KIAA1549: variants seen among roughly 807,000 people sequenced by gnomAD.
KIAA1549 encodes the protein UPF0606 protein KIAA1549.
Under a neutral mutation model 156.4 loss-of-function variants are expected in KIAA1549, and 70 were observed. The ratio of observed to expected loss-of-function variants is 0.45; its 90% CI spans 0.37 to 0.55. The LOEUF is 0.55. Ranked by LOEUF, KIAA1549 falls within the 20% of genes least tolerant of loss-of-function variation. The pLI, the probability that KIAA1549 is intolerant of heterozygous loss-of-function variation, is 0.00. For missense variants in KIAA1549, 2,428 were observed against 2,540.9 expected, an observed-to-expected ratio of 0.96 and a Z score of 0.96; for synonymous variants, 1,103 against 1,066.4, an observed-to-expected ratio of 1.03 and a Z score of -0.67.
chr7:138,958,542 C>A (rs1218512348), intron 1 of KIAA1549, among the ~76,000 whole-genome samples: 1 of 152,142 alleles, frequency 6.6e-6, no homozygotes, highest in Non-Finnish European at 1.5e-5. Flanking sequence ...TATAACTTCC[C>A]AGCTGTAAAG....
chr7:138,917,573 G>A lies in KIAA1549; in HGVS notation c.2053C>T (p.Leu685Phe), dbSNP rs1369614635. 3 of 1,613,828 alleles carry A rather than the reference G, an allele frequency of 1.9e-6. No individual in the cohort carries two copies. The highest frequency in any genetic ancestry group is 2.5e-6 in the Non-Finnish European group (3 of 1,179,896). The change falls in exon 2 of 20, where the codon CTT (leucine) becomes TTT (phenylalanine). Residue 685 changes from leucine (L) to phenylalanine (F), a missense_variant. Leu to Phe is a conservative substitution (Grantham distance 22). Around this residue, in one of 5 missense-constraint regions of KIAA1549, gnomAD observed 762 missense variants for 901.6 expected, o/e 0.85. Coordinates refer to ENST00000422774, the MANE Select transcript of KIAA1549 (RefSeq NM_001164665.2). ...AACTCAAGATTTGTGGAACTGGGAA[G>A]AGACAGCTGAGATGACTGCAGATCA... ...SSDLQSSQLS[L>F]PSSTNLEFSQ...
chr7:138,848,314 C>T (rs1230505990), intron 17 of KIAA1549, among the ~76,000 whole-genome samples: 1 of 152,154 alleles, frequency 6.6e-6, no homozygotes, highest in African/African-American at 2.4e-5. Context: ...GTAATATTTG[C>T]CAAGATACCT....
rs76161539 is a variant in KIAA1549, at chr7:138,900,942, G to A, written c.3670-1810C>T. On this transcript the variant is annotated intron_variant, in intron 8 of 19. Transcript: ENST00000422774. ...AACCCAGCCTCAGGTATTCCTTTACGGCAACATCAATGGACTAAGATGTCC... is the reference window on the plus strand; with the variant it reads ...AACCCAGCCTCAGGTATTCCTTTACAGCAACATCAATGGACTAAGATGTCC... 6.9e-3 allele frequency among the ~76,000 whole-genome samples: 1,050 copies of A among 152,218 alleles called. 21 individuals carry two copies. The highest frequency in any genetic ancestry group is 0.024 in the African/African-American group (998 of 41,530).
In KIAA1549 at chr7:138,833,793, C is replaced by G. The variant is rs972156015; in HGVS notation, c.*4113G>C. 2.1e-5 allele frequency: 5 copies of G among 233,230 alleles called. No individual in the cohort carries two copies. In the South Asian group the frequency reaches 9.0e-4, roughly 42 times the overall value. 14.4% of individuals were successfully genotyped at this position (233,230 alleles called of 1,614,324 possible). ...GTGTCATTCTCATCATTTTCGTCCT[C>G]TTCCCTTGCCTCCCCCACACTGGAG... On this transcript the variant is annotated 3_prime_UTR_variant, in exon 20 of 20. Coordinates refer to ENST00000422774, the MANE Select transcript of KIAA1549 (RefSeq NM_001164665.2).
chr7:138,916,489 G>A (rs1052616201), intron 2 of KIAA1549, among the ~76,000 whole-genome samples: 2 of 152,188 alleles, frequency 1.3e-5, no homozygotes, highest in Admixed American at 6.5e-5. Flanking sequence ...AGGGACTAAC[G>A]CATTTACATC....
intron 18 of KIAA1549, among the ~76,000 whole-genome samples, chr7:138,842,495 T>A (rs953091145): frequency 2.0e-5 from 3 of 152,184 alleles, no homozygotes; most frequent in Non-Finnish European, 4.4e-5. Context: ...ACGACCAGCC[T>A]AGCCAACATG....
intron 15 of KIAA1549, among the ~76,000 whole-genome samples, chr7:138,866,765 A>G (rs538334938): frequency 2.0e-5 from 3 of 152,336 alleles, no homozygotes; most frequent in East Asian, 3.9e-4. Context: ...ACTTCAAGCA[A>G]ATCTGTCTGG....
intron 1 of KIAA1549, among the ~76,000 whole-genome samples, chr7:138,932,264 G>A (rs1812893918): frequency 6.6e-6 from 1 of 152,208 alleles, no homozygotes; most frequent in Non-Finnish European, 1.5e-5. Flanking sequence ...TTTGCAGAGT[G>A]GCACATTCTG....
chr7:138,871,357 G>A lies in KIAA1549; in HGVS notation c.4351C>T (p.Pro1451Ser), dbSNP rs1810932984. Residue 1451 changes from proline (P) to serine (S), a missense_variant, in exon 13 of 20, where the codon CCA (proline) becomes TCA (serine). Around this residue, in one of 5 missense-constraint regions of KIAA1549, gnomAD observed 404 missense variants for 417.0 expected, o/e 0.97. Coordinates refer to ENST00000422774, the MANE Select transcript of KIAA1549 (RefSeq NM_001164665.2). ...TGCTCATTTCCCGAACTGGGCAGTG[G>A]TGGCCCTGGAACAGAAGGAAAAGCA... is the stretch of plus-strand genomic sequence containing the variant. Reference protein sequence around the residue: ...RSHRAPQSGPPLPSSGNEQHS... With the variant: ...RSHRAPQSGPSLPSSGNEQHS... 6.5e-7 allele frequency: 1 copy of A among 1,534,162 alleles called. No homozygotes were observed.
chr7:138,916,640 C>A (rs1189379827), intron 2 of KIAA1549, 108 bp downstream of exon 2: 4 of 1,501,674 alleles, frequency 2.7e-6, no homozygotes, highest in Non-Finnish European at 3.6e-6. Flanking sequence ...TTAACTGAGC[C>A]CAGCGCCTCT....
intron 16 of KIAA1549, among the ~76,000 whole-genome samples, chr7:138,858,792 G>C (rs1054050464): frequency 1.4e-4 from 22 of 152,070 alleles, no homozygotes; most frequent in Admixed American, 7.2e-4. Flanking sequence ...CAGATCACGA[G>C]GTCAGGAGAT....
rs1348328534 is a variant in KIAA1549, at chr7:138,833,401, A to G, written c.*4505T>C. ...GGAACACTTAGAAAAAAGTTGTGCG[A>G]AAGAAGGAACGCTGAACCTGTCCAC... On this transcript the variant is annotated 3_prime_UTR_variant, in exon 20 of 20. Transcript: ENST00000422774. 4.3e-6 allele frequency: 1 copy of G among 232,522 alleles called. No homozygotes were observed. The highest frequency in any genetic ancestry group is 2.2e-5 in the African/African-American group (1 of 45,288). The allele number at this position is 232,522 out of a possible 1,614,324, so 14.4% of individuals were successfully genotyped here. A position where few individuals can be genotyped will look rare whatever the true frequency, so the allele number is the denominator to read the frequency against.
chr7:138,946,983 A>C (rs1813356136), intron 1 of KIAA1549, among the ~76,000 whole-genome samples: 1 of 152,174 alleles, frequency 6.6e-6, no homozygotes, highest in Non-Finnish European at 1.5e-5. Flanking sequence ...CTGGTCTCCC[A>C]GCAGCCCCCA....
intron 1 of KIAA1549, among the ~76,000 whole-genome samples, chr7:138,936,876 C>T (rs948875403): frequency 5.3e-5 from 8 of 152,042 alleles, no homozygotes; most frequent in Admixed American, 1.3e-4. Flanking sequence ...TCTCTCTCTA[C>T]GAGCCATAAC....
rs748211482 is a variant in KIAA1549 at position 138,868,103 on chromosome 7, G to T, written c.4801C>A (p.Pro1601Thr). 1.9e-6 allele frequency: 3 copies of T among 1,613,632 alleles called. No homozygotes were observed. The highest frequency in any genetic ancestry group is 2.5e-6 in the Non-Finnish European group (3 of 1,179,798). Residue 1601 changes from proline (P) to threonine (T), a missense_variant, in exon 15 of 20, where the codon CCT becomes ACT. Transcript: ENST00000422774. ...KSSRIKRSPK[P>T]RRKHQVNGCP... ...CCGTTGACCTGGTGTTTCCGGCGAG[G>T]CTTGGGAGAACGTTTTATCCGTGAG...
Position 138,845,264 on chromosome 7 carries a change from G to A in KIAA1549, c.5295-790C>T, listed in dbSNP as rs187364549. On this transcript the variant is annotated intron_variant, in intron 17 of 19. Transcript: ENST00000422774. Reference sequence around the variant, plus strand: ...CAATCCTCCCTCAAAAAAAAGTAGTGAGAAGAGTAGTGCTATATTGTTCAA... The same window carrying A: ...CAATCCTCCCTCAAAAAAAAGTAGTAAGAAGAGTAGTGCTATATTGTTCAA... Among the ~76,000 whole-genome samples the A allele has an allele frequency of 4.0e-5, 6 of 151,068 alleles. No individual in the cohort carries two copies. In the East Asian group the frequency reaches 1.2e-3, roughly 29 times the overall value.
chr7:138,881,320 G>C, intron 11 of KIAA1549, 68 bp downstream of exon 11: 1 of 1,482,096 alleles, frequency 6.7e-7, no homozygotes, highest in Non-Finnish European at 9.2e-7. Flanking sequence ...TGTGACATCA[G>C]AAACTCACAG....
intron 1 of KIAA1549, among the ~76,000 whole-genome samples, chr7:138,956,334 A>T (rs527383792): frequency 6.6e-6 from 1 of 152,308 alleles, no homozygotes; most frequent in South Asian, 2.1e-4. Flanking sequence ...AGATAAAAAG[A>T]AGCCCAGCTT....
At chr7:138,852,612 G>T (rs1054271521) in intron 16 of KIAA1549, among the ~76,000 whole-genome samples, 1 of 152,170 alleles carries the variant, frequency 6.6e-6, no homozygotes, top group African/African-American at 2.4e-5. Context: ...TCTGCTAAAA[G>T]GCCTCATATC....
Sources: gnomAD v4.1 joint callset for allele counts (sites outside exome capture counted in the v4.1 genomes callset) on GRCh38, gnomAD v4.1.1 for gene constraint, gnomAD v4.1.1 regional missense constraint, MANE v1.5 for transcripts, NCBI Gene and HGNC (gene_info 2026-07-23, HGNC 2026-07-21) for gene names.